Variants in KMT2C observed in about 807,000 individuals in gnomAD.
KMT2C encodes the protein histone-lysine N-methyltransferase 2C.
A neutral mutation model predicts 507.9 loss-of-function variants in KMT2C; 88 were observed. The observed-to-expected ratio is 0.17, with a 90% CI of 0.15 to 0.21. The LOEUF is 0.21. Among genes scored for constraint, KMT2C ranks in the 10% least tolerant of loss-of-function variants. The pLI is 1.00. For missense variants in KMT2C, 4,954 were observed against 5,957.8 expected (o/e 0.83, Z 5.55); for synonymous variants, 2,049 against 2,080.8 (o/e 0.98, Z 0.42).
At chr7:152,357,802 G>C (rs1416625526) in intron 2 of KMT2C, among the ~76,000 whole-genome samples, 1 of 152,106 alleles carries the variant, frequency 6.6e-6, no homozygotes, top group Non-Finnish European at 1.5e-5. Context: ...CAACACATCT[G>C]ACAACTGTAA....
chr7:152,270,514 C>T (rs1225248447), intron 7 of KMT2C, among the ~76,000 whole-genome samples: 3 of 152,162 alleles, frequency 2.0e-5, no homozygotes, highest in Non-Finnish European at 4.4e-5. Context: ...CCTTTGTTCG[C>T]CTTGATGATG....
Position 152,330,656 on chromosome 7 carries a change from C to G in KMT2C, c.334G>C (p.Val112Leu). ...AGGGAGTTTGCCGATTCCTCAGACA[C>G]AGATCGCTGAAGAGTTGGAATTAGC... ...KQLIPTLQRSVSEESANSLVS... is the reference protein window; with the variant it reads ...KQLIPTLQRSLSEESANSLVS... The change falls in exon 3 of 59, where the codon GTG (valine) becomes CTG (leucine). Residue 112 changes from valine to leucine, a missense_variant. Transcript: ENST00000262189. The G allele has an allele frequency of 6.2e-7, 1 of 1,614,170 alleles. No homozygotes were observed. The highest frequency in any genetic ancestry group is 8.5e-7 in the Non-Finnish European group (1 of 1,179,994).
intron 8 of KMT2C, among the ~76,000 whole-genome samples, chr7:152,263,750 G>A (rs1216543789): frequency 6.6e-6 from 1 of 152,108 alleles, no homozygotes; most frequent in Non-Finnish European, 1.5e-5. Context: ...TAATTATTAA[G>A]AATTATAGTT....
intron 6 of KMT2C, among the ~76,000 whole-genome samples, chr7:152,284,483 CAACT>C (rs928133736): frequency 2.0e-5 from 3 of 152,058 alleles, no homozygotes; most frequent in Non-Finnish European, 2.9e-5. Context: ...TTTAAACCTA[CAACT>C]AACACTGGGG....
intron 2 of KMT2C, among the ~76,000 whole-genome samples, chr7:152,331,931 G>A (rs1003046927): frequency 1.3e-5 from 2 of 151,858 alleles, no homozygotes; most frequent in Non-Finnish European, 2.9e-5. Flanking sequence ...TTACAGGCAT[G>A]AGCCACTGTG....
intron 1 of KMT2C, among the ~76,000 whole-genome samples, chr7:152,412,787 A>C (rs908820148): frequency 2.0e-5 from 3 of 152,252 alleles, no homozygotes; most frequent in Non-Finnish European, 2.9e-5. Flanking sequence ...GTGCTGGTAA[A>C]TAAGGGTCAA....
intron 23 of KMT2C, among the ~76,000 whole-genome samples, chr7:152,208,836 G>T (rs887852556): frequency 5.3e-5 from 8 of 152,130 alleles, no homozygotes; most frequent in Non-Finnish European, 8.8e-5. Flanking sequence ...ATAACAATCT[G>T]ATAATGGCTA....
At chr7:152,277,503 A>T (rs1714946648) in intron 6 of KMT2C, among the ~76,000 whole-genome samples, 1 of 152,220 alleles carries the variant, frequency 6.6e-6, no homozygotes, top group Non-Finnish European at 1.5e-5. Context: ...TCCTCATTCA[A>T]CAGATGAGGA....
chr7:152,392,804 T>A (rs1399107893), intron 1 of KMT2C, among the ~76,000 whole-genome samples: 1 of 152,238 alleles, frequency 6.6e-6, no homozygotes, highest in Non-Finnish European at 1.5e-5. Context: ...CTGCTTCACA[T>A]CACTGAAATT....
chr7:152,232,288 A>T (rs2129152874), intron 16 of KMT2C, among the ~76,000 whole-genome samples: 1 of 152,362 alleles, frequency 6.6e-6, no homozygotes, highest in Admixed American at 6.5e-5. Flanking sequence ...ATTAGGGAGT[A>T]AGTAAAGCAA....
In KMT2C at chr7:152,176,537, A is replaced by G. The variant is rs2093218871; in HGVS notation, c.8916T>C (p.Asn2972=). The G allele has an allele frequency of 6.2e-7, 1 of 1,614,102 alleles. No homozygotes were observed. The highest frequency in any genetic ancestry group is 2.2e-5 in the East Asian group (1 of 44,892). ...GGTTTACCCTAGAGACTACTGTCAC[A>G]TTAGAATTCATGGCATTATCCAAAA... is the stretch of plus-strand genomic sequence containing the variant. ...GRVLDNAMNS[N]VTVVSRVNHV... Residue 2972 remains asparagine (N), a synonymous_variant, in exon 38 of 59, where the codon AAT becomes AAC. Transcript: ENST00000262189.
intron 1 of KMT2C, among the ~76,000 whole-genome samples, chr7:152,426,813 C>T (rs1182469309): frequency 6.6e-6 from 1 of 152,200 alleles, no homozygotes. Context: ...ATTTAAGTAA[C>T]TTGCCCAAGG....
intron 1 of KMT2C, among the ~76,000 whole-genome samples, chr7:152,373,861 T>C (rs1029163082): frequency 2.6e-5 from 4 of 152,298 alleles, no homozygotes; most frequent in African/African-American, 9.6e-5. Flanking sequence ...TAAAGTATCC[T>C]GAGACACAAA....
chr7:152,367,961 C>A, intron 1 of KMT2C: 1 of 921,700 alleles, frequency 1.1e-6, no homozygotes, highest in Non-Finnish European at 1.8e-6. Flanking sequence ...CAGAGGAATG[C>A]CAACAGTTTA....
chr7:152,312,411 T>C (rs1315112536), intron 4 of KMT2C: 1 of 152,370 alleles, frequency 6.6e-6, no homozygotes, highest in Non-Finnish European at 1.5e-5. Flanking sequence ...GAAAGGATAT[T>C]TTCCAGGGAA....
chr7:152,323,295 G>T (rs2129207269), intron 3 of KMT2C, among the ~76,000 whole-genome samples: 1 of 152,128 alleles, frequency 6.6e-6, no homozygotes, highest in Non-Finnish European at 1.5e-5. Context: ...ATAGATGAAT[G>T]GATAAAGAAA....
chr7:152,279,323 A>G (rs1214039127), intron 6 of KMT2C, among the ~76,000 whole-genome samples: 1 of 151,848 alleles, frequency 6.6e-6, no homozygotes, highest in Non-Finnish European at 1.5e-5. Context: ...TCTTCAGAGG[A>G]AAACATATAG....
chr7:152,321,070 C>T (rs146168717), intron 3 of KMT2C, among the ~76,000 whole-genome samples: 41 of 151,862 alleles, frequency 2.7e-4, no homozygotes, highest in Middle Eastern at 6.8e-3. Context: ...CCCGTCTCTA[C>T]TAAAAATACA....
At chr7:152,419,184 T>C (rs749725389) in intron 1 of KMT2C, among the ~76,000 whole-genome samples, 13 of 152,044 alleles carry the variant, frequency 8.6e-5, no homozygotes, top group Admixed American at 7.2e-4. Context: ...AGCCCATCTC[T>C]ACTAAAAATA....
Sources: allele counts gnomAD v4.1 joint callset (sites outside exome capture counted in the v4.1 genomes callset), GRCh38; gene constraint gnomAD v4.1.1; transcripts MANE v1.5; gene names NCBI Gene and HGNC (gene_info 2026-07-23, HGNC 2026-07-21).